TTLL12: variants seen among roughly 807,000 people sequenced by gnomAD.
TTLL12 encodes tubulin--tyrosine ligase-like protein 12.
TTLL12 carries 77 observed loss-of-function variants against 79.6 expected under a neutral mutation model. The ratio of observed to expected loss-of-function variants is 0.97; its 90% CI spans 0.81 to 1.17. TTLL12 has a LOEUF of 1.17. Among genes scored for constraint, TTLL12 ranks in the 50% most tolerant of loss-of-function variants. The probability of loss-of-function intolerance (pLI) is 0.00; values close to 1 mark genes in which losing one functional copy is unlikely to be tolerated. For synonymous variants in TTLL12, 437 were observed against 376.1 expected (o/e 1.16, Z -1.87); for missense variants, 969 against 895.9 (o/e 1.08, Z -1.04).
chr22:43,168,855 G>C lies in TTLL12; in HGVS notation c.1702C>G (p.Pro568Ala). 6.2e-7 allele frequency: 1 copy of C among 1,608,772 alleles called. No homozygotes were observed. The highest frequency in any genetic ancestry group is 8.5e-7 in the Non-Finnish European group (1 of 1,178,064). Residue 568 changes from proline to alanine, a missense_variant, in exon 13 of 14, where the codon CCC (proline) becomes GCC (alanine). Coordinates refer to ENST00000216129, the MANE Select transcript of TTLL12 (RefSeq NM_015140.4). Reference protein sequence around the residue: ...LFQVACAKPPPLGLCDYPSSR... With the variant: ...LFQVACAKPPALGLCDYPSSR... ...GAGGGGTAGTCGCAGAGGCCCAGGG[G>C]TGGTGGCTTGGCACAGGCCACCTGG...
intron 1 of TTLL12, among the ~76,000 whole-genome samples, chr22:43,185,014 G>A (rs1015176396): frequency 6.6e-6 from 1 of 151,962 alleles, no homozygotes; most frequent in African/African-American, 2.4e-5. Flanking sequence ...CGGATCACGA[G>A]GTCAGGAATT....
At position 43,166,937 on chromosome 22, in the gene TTLL12, G is replaced by C. The variant is rs1931632357; in HGVS notation, c.*1071C>G. On this transcript the variant is annotated 3_prime_UTR_variant, in exon 14 of 14. Transcript: ENST00000216129. Reference sequence around the variant, plus strand: ...TCTGGAAGTAGCTCTCGCCTGCCTGGGCAGTTAGGTCCACCCACTGCCCGT... The same window carrying C: ...TCTGGAAGTAGCTCTCGCCTGCCTGCGCAGTTAGGTCCACCCACTGCCCGT... The C allele has an allele frequency of 3.4e-6, 1 of 295,806 alleles. No individual in the cohort carries two copies. Among genetic ancestry groups the C allele is most frequent in the African/African-American group, 2.2e-5 (1 of 45,308 alleles). 18.3% of individuals were successfully genotyped at this position (295,806 alleles called of 1,614,324 possible).
At chr22:43,177,940 T>C (rs6519365) in intron 5 of TTLL12, among the ~76,000 whole-genome samples, 80,315 of 151,998 alleles carry the variant, frequency 0.53, 21,441 homozygotes, top group African/African-American at 0.6. Context: ...AAGGGTCAAA[T>C]GGGAAAAAAC....
At chr22:43,186,711 C>A (rs956773911) in intron 1 of TTLL12, among the ~76,000 whole-genome samples, 182 bp downstream of exon 1, 2 of 152,186 alleles carry the variant, frequency 1.3e-5, no homozygotes, top group Non-Finnish European at 2.9e-5. Context: ...CGCAGGTACC[C>A]CGGTCTCCTG....
rs1326343404 is a variant in TTLL12, at chr22:43,180,700, AT to A, written c.546+41del. 5 of 1,600,910 alleles carry A rather than the reference AT, an allele frequency of 3.1e-6. 1 individual carries two copies. The East Asian group carries it at 8.9e-5, about 29-fold the overall frequency. On this transcript the variant is annotated intron_variant, in intron 3 of 13. Transcript: ENST00000216129. ...CACAGGGCAGCGGAGGTCTGTGCCCATGCCTGTCCTCCCCCTCCCCGGGGCC... is the reference window on the plus strand; with the variant it reads ...CACAGGGCAGCGGAGGTCTGTGCCCAGCCTGTCCTCCCCCTCCCCGGGGCC...
At chr22:43,183,668 C>T (rs1231575636) in intron 1 of TTLL12, among the ~76,000 whole-genome samples, 1 of 152,222 alleles carries the variant, frequency 6.6e-6, no homozygotes, top group Non-Finnish European at 1.5e-5. Flanking sequence ...CCAATCCAGG[C>T]CAACAGGAAG....
chr22:43,168,998 C>G, intron 12 of TTLL12, 86 bp from the exon 13 acceptor site: 1 of 1,471,566 alleles, frequency 6.8e-7, no homozygotes, highest in Non-Finnish European at 9.0e-7. Flanking sequence ...AGTCCCGGGC[C>G]CCACGTGGCC....
intron 1 of TTLL12, among the ~76,000 whole-genome samples, chr22:43,184,029 A>T (rs1225585889): frequency 6.6e-6 from 1 of 152,244 alleles, no homozygotes. Context: ...CTCAGAGTGG[A>T]GCCTGGCCAC....
chr22:43,172,943 C>T (rs769184095), intron 9 of TTLL12, among the ~76,000 whole-genome samples: 23 of 152,164 alleles, frequency 1.5e-4, no homozygotes, highest in Non-Finnish European at 2.9e-4. Context: ...GGTGATCCGC[C>T]CACCTTGGCC....
In TTLL12 at chr22:43,176,413, C is replaced by T. The variant is rs367796621; in HGVS notation, c.841-17G>A. 25 of 1,596,814 alleles carry T rather than the reference C, an allele frequency of 1.6e-5. No individual in the cohort carries two copies. In the African/African-American group the frequency reaches 2.3e-4, roughly 15 times the overall value. Reference sequence around the variant, plus strand: ...CAGAATGGCCTAAAAGGAAACACACCGGAAGTAGAGATGAGGTCAAGGAAG... The same window carrying T: ...CAGAATGGCCTAAAAGGAAACACACTGGAAGTAGAGATGAGGTCAAGGAAG... On this transcript the variant is annotated splice_polypyrimidine_tract_variant and intron_variant, in intron 5 of 13. Transcript: ENST00000216129.
intron 12 of TTLL12, 95 bp downstream of exon 12, chr22:43,169,405 C>T (rs536767799): frequency 1.1e-4 from 126 of 1,126,230 alleles, no homozygotes; most frequent in Middle Eastern, 6.2e-4. Flanking sequence ...TCCCTCCCAG[C>T]CCATGCCAGC....
intron 5 of TTLL12, among the ~76,000 whole-genome samples, chr22:43,178,467 G>A (rs914548630): frequency 5.3e-5 from 8 of 151,980 alleles, no homozygotes; most frequent in Non-Finnish European, 8.8e-5. Flanking sequence ...GACTACAGGT[G>A]CCCGCCACCA....
chr22:43,186,040 G>C, intron 1 of TTLL12: 1 of 985,306 alleles, frequency 1.0e-6, no homozygotes, highest in Non-Finnish European at 1.2e-6. Flanking sequence ...GTAGAGTCTG[G>C]CCAGCAGCCA....
rs746080730 is a variant in TTLL12, at chr22:43,183,057, C to T, written c.270G>A (p.Gln90=). The T allele has an allele frequency of 1.5e-5, 25 of 1,613,928 alleles. No homozygotes were observed. Among genetic ancestry groups the T allele is most frequent in the Middle Eastern group, 1.6e-4 (1 of 6,084 alleles). The change falls in exon 2 of 14, where the codon CAG becomes CAA. Residue 90 remains glutamine (Q), a synonymous_variant. Coordinates refer to ENST00000216129, the MANE Select transcript of TTLL12 (RefSeq NM_015140.4). ...AGCACAGCTCGTTCCCCGGGTTGGG[C>T]TGCTGCTTCCGCACCTCCCGGGCTG... is the stretch of plus-strand genomic sequence containing the variant. ...DEAAREVRKQ[Q]PNPGNELCYK... is the part of the protein sequence containing the mutation.
chr22:43,181,084 T>C, intron 2 of TTLL12, 144 bp from the exon 3 acceptor site: 1 of 946,344 alleles, frequency 1.1e-6, no homozygotes, highest in South Asian at 1.7e-5. Flanking sequence ...TTATGCCTAG[T>C]TTTGGACTCC....
Position 43,171,832 on chromosome 22 carries a change from A to G in TTLL12, c.1562T>C (p.Val521Ala). 6.2e-7 allele frequency: 1 copy of G among 1,614,132 alleles called. No individual in the cohort carries two copies. Residue 521 changes from valine to alanine, a missense_variant, in exon 11 of 14, where the codon GTG becomes GCG. Coordinates refer to ENST00000216129, the MANE Select transcript of TTLL12 (RefSeq NM_015140.4). ...CTCAGGCCCTACCTGCTTCAGCACC[A>G]CATCCGGGTCATAGTTCATGACCGT... ...HFTVMNYDPD[V>A]VLKQVHCEEF...
chr22:43,172,546 G>A lies in TTLL12; in HGVS notation c.1350C>T (p.Ser450=). Residue 450 remains serine (S), a synonymous_variant, in exon 10 of 14, where the codon TCC becomes TCT. Transcript: ENST00000216129. ...ACAACACGGGACTTTCGATGTACTT[G>A]GACACAACCTGGAGGACACAGGTGC... ...RHRESTPKVV[S]KYIESPVLFL... The A allele has an allele frequency of 6.2e-7, 1 of 1,614,054 alleles. No homozygotes were observed. The highest frequency in any genetic ancestry group is 1.7e-4 in the Middle Eastern group (1 of 6,060).
rs970519243 is a variant in TTLL12 at position 43,168,001 on chromosome 22, C to T, written c.*7G>A. On this transcript the variant is annotated 3_prime_UTR_variant, in exon 14 of 14. Coordinates refer to ENST00000216129, the MANE Select transcript of TTLL12 (RefSeq NM_015140.4). ...CCCCAAGCACAGGTTTTGGGGACAGCGAGTGCCTAGACAAGGCAGGTAACG... is the reference window on the plus strand; with the variant it reads ...CCCCAAGCACAGGTTTTGGGGACAGTGAGTGCCTAGACAAGGCAGGTAACG... 9.3e-6 allele frequency: 15 copies of T among 1,612,224 alleles called. No homozygotes were observed. Among genetic ancestry groups the T allele is most frequent in the African/African-American group, 4.0e-5 (3 of 74,894 alleles).
At chr22:43,173,968 C>A (rs1327310412) in intron 8 of TTLL12, 142 bp from the exon 9 acceptor site, 22 of 926,518 alleles carry the variant, frequency 2.4e-5, no homozygotes, top group Non-Finnish European at 3.5e-5. Context: ...GAGGCAGGGG[C>A]ATGGGAAACA....
Sources: gnomAD v4.1 joint callset for allele counts (sites outside exome capture counted in the v4.1 genomes callset) on GRCh38, gnomAD v4.1.1 for gene constraint, MANE v1.5 for transcripts, NCBI Gene and HGNC (gene_info 2026-07-23, HGNC 2026-07-21) for gene names.